Variants in HIVEP1 observed in about 807,000 individuals in gnomAD.
HIVEP1 encodes zinc finger protein 40.
In HIVEP1, 36 loss-of-function variants were observed where a neutral mutation model predicts 180.0. The observed-to-expected ratio is 0.20, with a 90% CI of 0.15 to 0.26. The LOEUF is 0.26. HIVEP1 is among the 10% of genes least tolerant of loss of function. HIVEP1 has a pLI of 1.00. For missense variants in HIVEP1, 3,143 were observed against 3,268.7 expected, an observed-to-expected ratio of 0.96 and a Z score of 0.94; for synonymous variants, 1,239 against 1,239.0, an observed-to-expected ratio of 1.00 and a Z score of 0.00.
At chr6:12,159,261 C>T (rs1204632088) in intron 7 of HIVEP1, among the ~76,000 whole-genome samples, 1 of 152,094 alleles carries the variant, frequency 6.6e-6, no homozygotes, top group Non-Finnish European at 1.5e-5. Context: ...AAACAGGTCC[C>T]ATCCTTGTTA....
intron 2 of HIVEP1, among the ~76,000 whole-genome samples, chr6:12,067,697 C>T (rs1771689293): frequency 1.3e-5 from 2 of 152,068 alleles, no homozygotes; most frequent in South Asian, 2.1e-4. Context: ...CTTGTGTCCC[C>T]AATTCCTGCC....
At chr6:12,142,760 A>C (rs1429479277) in intron 7 of HIVEP1, among the ~76,000 whole-genome samples, 4 of 152,214 alleles carry the variant, frequency 2.6e-5, no homozygotes, top group Admixed American at 2.0e-4. Context: ...AAACACCTCT[A>C]TGCAAATAAA....
In HIVEP1 at chr6:12,063,735, T is replaced by G. The variant is rs942647044; in HGVS notation, c.41-25449T>G. On this transcript the variant is annotated intron_variant, in intron 2 of 8. Transcript: ENST00000379388. The surrounding 1 kb of genome is among the most constrained non-coding windows in gnomAD (Gnocchi z 4.2). ...CACTTAATAAAGAACAGTGAAGGTT[T>G]TGAGAGGTGGTCACTGGGCAGTCTG... Among the ~76,000 whole-genome samples the G allele has an allele frequency of 5.9e-5, 9 of 152,122 alleles. No individual in the cohort carries two copies. The highest frequency in any genetic ancestry group is 1.3e-4 in the Admixed American group (2 of 15,274).
intron 2 of HIVEP1, among the ~76,000 whole-genome samples, chr6:12,049,443 C>T (rs147823749): frequency 2.0e-5 from 3 of 152,234 alleles, no homozygotes; most frequent in East Asian, 3.9e-4. Context: ...TTTCTGTGTT[C>T]GGCAGAGTGT....
At chr6:12,203,417 CATT>C in the HIVEP1 span, among the ~76,000 whole-genome samples, 1 of 152,178 alleles carries the variant, frequency 6.6e-6, no homozygotes, top group African/African-American at 2.4e-5. Context: ...ATTAGTCAGA[CATT>C]ATAACCTGAG....
the HIVEP1 span, among the ~76,000 whole-genome samples, chr6:12,174,188 T>C: frequency 3.9e-5 from 6 of 152,202 alleles, no homozygotes; most frequent in Non-Finnish European, 7.4e-5. Flanking sequence ...ATTAAAAGTA[T>C]GTTAACTATT....
chr6:12,081,481 A>T (rs1474787473), intron 2 of HIVEP1, among the ~76,000 whole-genome samples: 1 of 152,130 alleles, frequency 6.6e-6, no homozygotes, highest in African/African-American at 2.4e-5. Flanking sequence ...TTCCACTAGC[A>T]GACTTTTCCT....
rs1288012988 is a variant in HIVEP1 at position 12,120,503 on chromosome 6, A to G, written c.708A>G (p.Leu236=). 2 of 1,614,092 alleles carry G rather than the reference A, an allele frequency of 1.2e-6. No individual in the cohort carries two copies. Among genetic ancestry groups the G allele is most frequent in the Admixed American group, 1.7e-5 (1 of 60,006 alleles). ...AAACTGCACGTTCCCCTCCCAAATT[A>G]AAAAACAGTTCAATGGATGCCCCAA... The part of the protein sequence containing the change: ...PNKTARSPPK[L]KNSSMDAPNQ... Residue 236 remains leucine (L), a synonymous_variant, in exon 4 of 9, where the codon TTA becomes TTG. Transcript: ENST00000379388.
chr6:12,206,007 C>A, the HIVEP1 span, among the ~76,000 whole-genome samples: 24 of 152,254 alleles, frequency 1.6e-4, no homozygotes, highest in African/African-American at 5.5e-4. Flanking sequence ...GTCCTAATAC[C>A]CGGTACCTCA....
chr6:12,071,754 A>T (rs755736809), intron 2 of HIVEP1, among the ~76,000 whole-genome samples: 51 of 152,238 alleles, frequency 3.4e-4, no homozygotes, highest in Non-Finnish European at 6.8e-4. Context: ...TTCAGAAATA[A>T]TGTGAAATAA....
At position 12,135,820 on chromosome 6, in the gene HIVEP1, G is replaced by T; in HGVS notation, c.6415G>T (p.Ala2139Ser). ...GNLTKHMKSK[A>S]HSKKCVDLGV... is the part of the protein sequence containing the mutation. ...TCTGACAAAACACATGAAGTCCAAG[G>T]CACATAGCAAGAAATGTGTGGATTT... is the stretch of plus-strand genomic sequence containing the variant. The change falls in exon 7 of 9, where the codon GCA (alanine) becomes TCA (serine). Residue 2139 changes from alanine to serine, a missense_variant. This residue lies in a region of HIVEP1 where 126 missense variants were observed against 168.5 expected (regional missense o/e 0.75). Transcript: ENST00000379388. 1 of 1,612,070 alleles carries T rather than the reference G, an allele frequency of 6.2e-7. No individual in the cohort carries two copies. The highest frequency in any genetic ancestry group is 8.5e-7 in the Non-Finnish European group (1 of 1,178,342).
At chr6:12,144,508 A>G (rs1226226691) in intron 7 of HIVEP1, among the ~76,000 whole-genome samples, 3 of 152,256 alleles carry the variant, frequency 2.0e-5, no homozygotes, top group African/African-American at 7.2e-5. Flanking sequence ...AGCAATGGCA[A>G]CAGAAGACAA....
At chr6:12,190,853 C>T in the HIVEP1 span, among the ~76,000 whole-genome samples, 4 of 152,056 alleles carry the variant, frequency 2.6e-5, no homozygotes, top group Non-Finnish European at 4.4e-5. Flanking sequence ...ATTAATTCAC[C>T]CATTTAAGAC....
At chr6:12,031,718 A>G (rs975161662) in intron 2 of HIVEP1, among the ~76,000 whole-genome samples, 3 of 152,208 alleles carry the variant, frequency 2.0e-5, no homozygotes, top group Admixed American at 6.5e-5. Context: ...CCACGAAGAA[A>G]TGCCCCTCCA....
chr6:12,051,098 T>C (rs1770511315), intron 2 of HIVEP1, among the ~76,000 whole-genome samples: 1 of 149,756 alleles, frequency 6.7e-6, no homozygotes, highest in African/African-American at 2.5e-5. Context: ...TACTTCTGTC[T>C]CCTTTCTCTC....
chr6:12,010,254 G>A (rs1416150579), upstream of HIVEP1, among the ~76,000 whole-genome samples: 1 of 152,214 alleles, frequency 6.6e-6, no homozygotes, highest in Non-Finnish European at 1.5e-5. Context: ...AATTGTACAT[G>A]TACACAGTTG....
intron 3 of HIVEP1, among the ~76,000 whole-genome samples, chr6:12,111,289 T>C (rs1415352021): frequency 2.6e-5 from 4 of 152,230 alleles, no homozygotes; most frequent in African/African-American, 4.8e-5. Flanking sequence ...CCACAAACCC[T>C]TAATGCAAAA....
intron 7 of HIVEP1, among the ~76,000 whole-genome samples, chr6:12,159,360 T>C (rs1186039315): frequency 2.0e-5 from 3 of 151,600 alleles, no homozygotes; most frequent in Non-Finnish European, 1.5e-5. Flanking sequence ...TTAGTCTTTT[T>C]ACAAATTTTA....
chr6:12,079,028 A>G (rs1390143577), intron 2 of HIVEP1, among the ~76,000 whole-genome samples: 7 of 152,042 alleles, frequency 4.6e-5, no homozygotes, highest in African/African-American at 1.7e-4. Context: ...CAGGGTGAGA[A>G]TACTGTCTTG....
Sources: gnomAD v4.1 joint callset for allele counts (sites outside exome capture counted in the v4.1 genomes callset) on GRCh38, gnomAD v4.1.1 for gene constraint, gnomAD v4.1.1 regional missense constraint, Gnocchi (gnomAD v3.1) non-coding constraint, MANE v1.5 for transcripts, NCBI Gene and HGNC (gene_info 2026-07-23, HGNC 2026-07-21) for gene names.